Variants in ELOF1 observed in about 807,000 individuals in gnomAD.
The protein encoded by ELOF1 is transcription elongation factor 1 homolog.
Under a neutral mutation model 7.1 loss-of-function variants are expected in ELOF1, and 4 were observed. The ratio of observed to expected loss-of-function variants is 0.56; its 90% CI spans 0.28 to 1.29. The LOEUF is 1.29. Among genes scored for constraint, ELOF1 ranks in the 50% most tolerant of loss-of-function variants. ELOF1 has a pLI of 0.10. For missense variants in ELOF1, 59 were observed against 86.3 expected, an observed-to-expected ratio of 0.68 and a Z score of 1.25; for synonymous variants, 31 against 31.9, an observed-to-expected ratio of 0.97 and a Z score of 0.09.
intron 3 of ELOF1, chr19:11,553,637 G>C: frequency 1.8e-6 from 2 of 1,124,080 alleles, no homozygotes; most frequent in East Asian, 2.7e-5. Context: ...ACACACGGCT[G>C]TGACAGCCCA....
At chr19:11,553,370 C>CG (rs1972759176) in intron 3 of ELOF1, 3 of 454,966 alleles carry the variant, frequency 6.6e-6, no homozygotes, top group Non-Finnish European at 1.2e-5. Context: ...CCAATTCCGC[C>CG]GGGGGGAGCC....
At chr19:11,553,890 G>A in intron 3 of ELOF1, 80 bp from the exon 4 acceptor site, 2 of 1,610,190 alleles carry the variant, frequency 1.2e-6, no homozygotes, top group Non-Finnish European at 1.7e-6. Context: ...ATCACTAGGT[G>A]GCACCTGTTC....
intron 1 of ELOF1, 65 bp downstream of exon 1, chr19:11,559,126 A>G (rs1236797649): frequency 6.6e-6 from 1 of 152,366 alleles, no homozygotes; most frequent in East Asian, 1.9e-4. Flanking sequence ...AAACGCACGG[A>G]GTAGAGGAAC....
intron 1 of ELOF1, among the ~76,000 whole-genome samples, chr19:11,555,981 G>C (rs1056504367): frequency 6.6e-6 from 1 of 152,104 alleles, no homozygotes; most frequent in Admixed American, 6.6e-5. Flanking sequence ...CTAACACATA[G>C]GAAGGACAGG....
intron 3 of ELOF1, chr19:11,553,556 A>C (rs1317883372): frequency 1.5e-6 from 1 of 655,662 alleles, no homozygotes; most frequent in Non-Finnish European, 2.5e-6. Context: ...ACACTCACTC[A>C]CACCCACACC....
chr19:11,555,989 A>T (rs917682593), intron 1 of ELOF1, among the ~76,000 whole-genome samples: 2 of 152,098 alleles, frequency 1.3e-5, no homozygotes, highest in Non-Finnish European at 2.9e-5. Flanking sequence ...TAGGAAGGAC[A>T]GGGTTTTGGA....
In ELOF1 at chr19:11,554,372, G is replaced by C. The variant is rs750724225; in HGVS notation, c.-18-7C>G. On this transcript the variant is annotated splice_region_variant and splice_polypyrimidine_tract_variant and intron_variant, in intron 1 of 3. Coordinates refer to ENST00000586683, the Ensembl canonical transcript of ELOF1. Reference sequence around the variant, plus strand: ...TGTCTGCAGGTGGATGAGCCTGTGGGGAGTGGCAGATGTCAGTGGTTTGAG... The same window carrying C: ...TGTCTGCAGGTGGATGAGCCTGTGGCGAGTGGCAGATGTCAGTGGTTTGAG... The C allele has an allele frequency of 8.1e-6, 13 of 1,611,586 alleles. No individual in the cohort carries two copies. In the African/African-American group the frequency reaches 1.2e-4, roughly 15 times the overall value.
Position 11,558,743 on chromosome 19 carries a change from G to T in ELOF1, c.-19+448C>A, listed in dbSNP as rs1316461148. ...CTCACTCTCAAAAAAAAAAAAAAAA[G>T]TCCAAACAAAATCTACGGATGAGCC... is the stretch of plus-strand genomic sequence containing the variant. On this transcript the variant is annotated intron_variant, in intron 1 of 3. Transcript: ENST00000586683. Among the ~76,000 whole-genome samples the T allele has an allele frequency of 6.7e-5, 10 of 148,570 alleles. No homozygotes were observed. The East Asian group carries it at 1.8e-3, about 27-fold the overall frequency.
intron 1 of ELOF1, chr19:11,555,860 A>G (rs1218980671): frequency 6.5e-6 from 1 of 153,110 alleles, no homozygotes; most frequent in Admixed American, 6.6e-5. Flanking sequence ...CAGAGGAGAC[A>G]TGGCGGCAGA....
At chr19:11,553,168 G>A (rs769412320) in intron 3 of ELOF1, 17 of 400,320 alleles carry the variant, frequency 4.2e-5, no homozygotes, top group Non-Finnish European at 6.2e-5. Context: ...GGAGGGGGGC[G>A]GCTCCCTGTC....
At chr19:11,558,281 A>G (rs2145061899) in intron 1 of ELOF1, among the ~76,000 whole-genome samples, 1 of 151,884 alleles carries the variant, frequency 6.6e-6, no homozygotes, top group East Asian at 2.0e-4. Context: ...ACGCCCAGCT[A>G]ATTTTTGTAT....
chr19:11,556,190 C>T (rs1186649084), intron 1 of ELOF1, among the ~76,000 whole-genome samples: 1 of 152,192 alleles, frequency 6.6e-6, no homozygotes, highest in African/African-American at 2.4e-5. Flanking sequence ...ACTGCTGGTT[C>T]TAGCATCGTT....
intron 3 of ELOF1, chr19:11,553,628 CACACGG>C: frequency 1.2e-6 from 1 of 834,148 alleles, no homozygotes; most frequent in Non-Finnish European, 1.9e-6. Context: ...CACACACACA[CACACGG>C]CTGTGACAGC....
At chr19:11,554,734 G>A (rs1190205149) in intron 1 of ELOF1, 1 of 270,998 alleles carries the variant, frequency 3.7e-6, no homozygotes, top group Non-Finnish European at 6.9e-6. Flanking sequence ...TTGATGCCAG[G>A]ACCTGGATAC....
At chr19:11,553,554 T>TCACACC (rs112156914) in intron 3 of ELOF1, 6 of 670,920 alleles carry the variant, frequency 8.9e-6, no homozygotes, top group South Asian at 1.8e-5. Context: ...CCACACTCAC[T>TCACACC]CACACCCACA....
intron 1 of ELOF1, chr19:11,555,112 C>A: frequency 4.2e-6 from 1 of 235,694 alleles, no homozygotes; most frequent in South Asian, 3.6e-5. Context: ...CAAAAATTAG[C>A]TGGCCATAGT....
At position 11,553,894 on chromosome 19, in the gene ELOF1, C is replaced by T. The variant is rs1265016259; in HGVS notation, c.187+117G>A. 4.3e-6 allele frequency: 7 copies of T among 1,611,066 alleles called. No individual in the cohort carries two copies. In the African/African-American group the frequency reaches 5.3e-5, roughly 12 times the overall value. On this transcript the variant is annotated intron_variant, in intron 3 of 3. Coordinates refer to ENST00000586683, the Ensembl canonical transcript of ELOF1. Reference sequence around the variant, plus strand: ...ACCCCACAGAAATCACTAGGTGGCACCTGTTCCTCTGGACGGCTTTGGCCC... The same window carrying T: ...ACCCCACAGAAATCACTAGGTGGCATCTGTTCCTCTGGACGGCTTTGGCCC...
intron 1 of ELOF1, among the ~76,000 whole-genome samples, chr19:11,558,410 C>A (rs552059135): frequency 6.6e-6 from 1 of 152,138 alleles, no homozygotes; most frequent in Admixed American, 6.5e-5. Context: ...GCCACCGTGC[C>A]CAGCAATAAC....
intron 3 of ELOF1, 44 bp from the exon 4 acceptor site, chr19:11,553,854 G>A (rs1225307614): frequency 6.2e-7 from 1 of 1,613,504 alleles, no homozygotes; most frequent in Non-Finnish European, 8.5e-7. Flanking sequence ...TTGGAACCCT[G>A]CCCTGCATCT....
Sources: allele counts gnomAD v4.1 joint callset (sites outside exome capture counted in the v4.1 genomes callset), GRCh38; gene constraint gnomAD v4.1.1; transcripts MANE v1.5; gene names NCBI Gene and HGNC (gene_info 2026-07-23, HGNC 2026-07-21).